QTGAL: variants seen among roughly 807,000 people sequenced by gnomAD.
QTGAL encodes BGnT-like protein 1.
chr17:82,962,256 A>G, the QTGAL span, among the ~76,000 whole-genome samples: 1 of 152,202 alleles, frequency 6.6e-6, no homozygotes, highest in South Asian at 2.1e-4. Context: ...CACGTCCAAA[A>G]AAAAGGCACT....
the QTGAL span, among the ~76,000 whole-genome samples, chr17:83,032,102 G>A: frequency 6.2e-4 from 79 of 127,678 alleles, no homozygotes; most frequent in Middle Eastern, 8.5e-3. Context: ...ACCAGGCCAG[G>A]CCTCCGACCC....
At chr17:83,046,461 C>A in the QTGAL span, among the ~76,000 whole-genome samples, 2 of 152,322 alleles carry the variant, frequency 1.3e-5, no homozygotes, top group South Asian at 2.1e-4. Flanking sequence ...AAATGGCCAA[C>A]AAGCACACGA....
chr17:82,980,240 T>C, the QTGAL span, among the ~76,000 whole-genome samples: 1 of 152,280 alleles, frequency 6.6e-6, no homozygotes, highest in South Asian at 2.1e-4. Context: ...TTAGAAACTT[T>C]TGTTCTGTGA....
chr17:83,051,076 C>A, the QTGAL span, among the ~76,000 whole-genome samples: 130 of 116,210 alleles, frequency 1.1e-3, no homozygotes, highest in African/African-American at 4.0e-3. Flanking sequence ...GTGTGGGGTG[C>A]GGGAGCGAGG....
chr17:82,958,682 G>A, the QTGAL span, among the ~76,000 whole-genome samples: 1 of 151,898 alleles, frequency 6.6e-6, no homozygotes, highest in African/African-American at 2.4e-5. Flanking sequence ...GGGAGGTCCT[G>A]CCTGGAGTCT....
the QTGAL span, chr17:83,006,620 C>T: frequency 1.6e-5 from 16 of 983,284 alleles, no homozygotes; most frequent in African/African-American, 2.6e-4. The surrounding 1 kb of genome is among the most constrained non-coding windows in gnomAD (Gnocchi z 5.8). Context: ...TGTGCTATCC[C>T]GACGCCGTGG....
chr17:82,986,235 G>A, the QTGAL span, among the ~76,000 whole-genome samples: 2 of 152,188 alleles, frequency 1.3e-5, no homozygotes, highest in Non-Finnish European at 2.9e-5. Context: ...ACAGGAAATA[G>A]CTGCTCTGCG....
chr17:83,051,292 A>G, the QTGAL span, among the ~76,000 whole-genome samples: 1,745 of 80,862 alleles, frequency 0.022, 41 homozygotes, highest in African/African-American at 0.083. Context: ...GCAGGTGCGC[A>G]GGAGCGAGGC....
At chr17:82,947,116 G>A in the QTGAL span, 227 of 697,650 alleles carry the variant, frequency 3.3e-4, no homozygotes, top group East Asian at 3.3e-3. Flanking sequence ...TGCTAATAGC[G>A]GAGAGGCTGG....
At chr17:83,039,319 C>CAGATTAGCTCATT in the QTGAL span, among the ~76,000 whole-genome samples, 21 of 58,934 alleles carry the variant, frequency 3.6e-4, no homozygotes, top group Non-Finnish European at 4.7e-4. Context: ...AGACACACTG[C>CAGATTAGCTCATT]TGGGCGCCCG....
At chr17:82,997,928 AAAAT>A in the QTGAL span, among the ~76,000 whole-genome samples, 9,229 of 78,272 alleles carry the variant, frequency 0.12, 587 homozygotes, top group African/African-American at 0.23. Context: ...TTTAAAAAAA[AAAAT>A]ATATATATAT....
chr17:82,963,464 C>A, the QTGAL span, among the ~76,000 whole-genome samples: 1 of 152,192 alleles, frequency 6.6e-6, no homozygotes, highest in Non-Finnish European at 1.5e-5. Context: ...AAACTAAAAA[C>A]TGGCAACACT....
the QTGAL span, chr17:83,035,020 A>T: frequency 1.3e-6 from 2 of 1,579,112 alleles, no homozygotes; most frequent in Non-Finnish European, 1.7e-6. Flanking sequence ...TTATAAACAA[A>T]AGAAAGTTAC....
the QTGAL span, among the ~76,000 whole-genome samples, chr17:82,952,841 AAC>A: frequency 2.0e-5 from 3 of 152,252 alleles, no homozygotes; most frequent in African/African-American, 7.2e-5. Context: ...CAGAAATCCT[AAC>A]AGTCTTTCAG....
the QTGAL span, chr17:82,943,116 C>T: frequency 2.0e-5 from 3 of 152,882 alleles, no homozygotes; most frequent in African/African-American, 7.2e-5. Context: ...ATGTCTGCTG[C>T]AAGGGGAATC....
the QTGAL span, among the ~76,000 whole-genome samples, chr17:83,035,793 A>G: frequency 1.3e-5 from 2 of 151,998 alleles, no homozygotes; most frequent in South Asian, 4.1e-4. Flanking sequence ...ATCCGGTCAC[A>G]AGAGGGAAGT....
the QTGAL span, among the ~76,000 whole-genome samples, chr17:82,956,019 G>A: frequency 1.3e-5 from 2 of 151,966 alleles, no homozygotes; most frequent in Non-Finnish European, 1.5e-5. The surrounding 1 kb of genome is among the most constrained non-coding windows in gnomAD (Gnocchi z 5.7). Context: ...GCAAGGGGAG[G>A]GAGGGCATTA....
chr17:83,037,597 C>T, the QTGAL span, among the ~76,000 whole-genome samples: 1 of 152,242 alleles, frequency 6.6e-6, no homozygotes, highest in African/African-American at 2.4e-5. The surrounding 1 kb of genome is among the most constrained non-coding windows in gnomAD (Gnocchi z 5.2). Flanking sequence ...TCCATCATCG[C>T]TGCAGGGCCA....
the QTGAL span, among the ~76,000 whole-genome samples, chr17:83,035,861 GGCGGTTT>G: frequency 1.3e-5 from 2 of 148,532 alleles, no homozygotes; most frequent in Non-Finnish European, 1.5e-5. Context: ...ACCCTCGGAG[GGCGGTTT>G]GCACGTGTGT....
Sources: gnomAD v4.1 joint callset for allele counts (sites outside exome capture counted in the v4.1 genomes callset) on GRCh38, gnomAD v4.1.1 for gene constraint, Gnocchi (gnomAD v3.1) non-coding constraint, MANE v1.5 for transcripts, NCBI Gene and HGNC (gene_info 2026-07-23, HGNC 2026-07-21) for gene names.